ARL9: variants seen among roughly 807,000 people sequenced by gnomAD.
ARL9 encodes ADP-ribosylation factor-like protein 9.
ARL9 carries 14 observed loss-of-function variants against 27.0 expected under a neutral mutation model. The ratio of observed to expected loss-of-function variants is 0.52; its 90% CI spans 0.34 to 0.81. The LOEUF is 0.81. Among genes scored for constraint, ARL9 ranks in the 30% least tolerant of loss-of-function variants. The pLI, the probability that ARL9 is intolerant of heterozygous loss-of-function variation, is 0.01. For missense variants in ARL9, 294 were observed against 290.0 expected, an observed-to-expected ratio of 1.01 and a Z score of -0.10; for synonymous variants, 106 against 108.7, an observed-to-expected ratio of 0.98 and a Z score of 0.15.
intron 1 of ARL9, among the ~76,000 whole-genome samples, chr4:56,506,360 CTG>C (rs1721460134): frequency 6.6e-6 from 1 of 152,190 alleles, no homozygotes; most frequent in African/African-American, 2.4e-5. Flanking sequence ...ATCGCTACCC[CTG>C]TGTCTTAACC....
At chr4:56,518,193 G>A (rs540719652) in intron 2 of ARL9, among the ~76,000 whole-genome samples, 39 of 151,946 alleles carry the variant, frequency 2.6e-4, no homozygotes, top group African/African-American at 6.5e-4. Flanking sequence ...CCACCACACC[G>A]GCTCATTTTT....
intron 2 of ARL9, among the ~76,000 whole-genome samples, chr4:56,513,467 A>G (rs1721692393): frequency 6.6e-6 from 1 of 152,226 alleles, no homozygotes. Flanking sequence ...TTCAGCTGCT[A>G]TTATAGTTTT....
At position 56,523,956 on chromosome 4, in the gene ARL9, C is replaced by T; in HGVS notation, c.*80C>T. ...GCAGGCTTGAAGCCAAAGGTTTCCA[C>T]CTCAAATAAAAATTAAGCCATTTCC... is the stretch of plus-strand genomic sequence containing the variant. On this transcript the variant is annotated 3_prime_UTR_variant, in exon 4 of 4. Coordinates refer to ENST00000640821, the MANE Select transcript of ARL9 (RefSeq NM_001363794.2). 1 of 1,365,248 alleles carries T rather than the reference C, an allele frequency of 7.3e-7. No homozygotes were observed. The highest frequency in any genetic ancestry group is 1.5e-5 in the South Asian group (1 of 67,846). The allele number at this position is 1,365,248 out of a possible 1,614,324, so 84.6% of individuals were successfully genotyped here. A position where few individuals can be genotyped will look rare whatever the true frequency, so the allele number is the denominator to read the frequency against.
intron 2 of ARL9, among the ~76,000 whole-genome samples, chr4:56,513,544 C>G (rs958410484): frequency 6.6e-6 from 1 of 152,164 alleles, no homozygotes. Flanking sequence ...CATCGAAGAA[C>G]TTGCAACAAG....
Position 56,505,869 on chromosome 4 carries a change from A to AG in ARL9, c.12dup (p.Lys5GlufsTer21). 1 of 1,269,906 alleles carries AG rather than the reference A, an allele frequency of 7.9e-7. No homozygotes were observed. 78.7% of individuals were successfully genotyped at this position (1,269,906 alleles called of 1,614,324 possible). On this transcript the variant is annotated frameshift_variant, in exon 1 of 4. Transcript: ENST00000640821. LOFTEE classifies it high-confidence loss of function. ...GGAAACCGCGGCGCTGGGGATGGAG[A>AG]GGGGGAAAGTGAAGAAGAAAGAGAA...
In ARL9 at chr4:56,506,092, AAG is replaced by A; in HGVS notation, c.231_232del (p.Asn80GlnfsTer59). 8.1e-7 allele frequency: 1 copy of A among 1,234,140 alleles called. No homozygotes were observed. Among genetic ancestry groups the A allele is most frequent in the African/African-American group, 1.5e-5 (1 of 64,518 alleles). The allele number at this position is 1,234,140 out of a possible 1,614,324, so 76.4% of individuals were successfully genotyped here. The stretch of plus-strand genomic sequence containing the variant: ...GAACAATTTAAGGGACAAGAAGAGA[AAG>A]GGGAGAACAAGGACAGCACCTTGAC... On this transcript the variant is annotated frameshift_variant, in exon 1 of 4. Coordinates refer to ENST00000640821, the MANE Select transcript of ARL9 (RefSeq NM_001363794.2). LOFTEE classifies it high-confidence loss of function.
chr4:56,513,067 C>A (rs1429528901), intron 2 of ARL9, among the ~76,000 whole-genome samples: 2 of 152,196 alleles, frequency 1.3e-5, no homozygotes, highest in Non-Finnish European at 2.9e-5. Flanking sequence ...TTATCATGAT[C>A]ATCAATATCC....
Position 56,518,793 on chromosome 4 carries a change from C to T in ARL9, c.558C>T (p.Tyr186=). ...DHSRLPEAKK[Y]LHQLIAANPV... ...GCCGATTACCTGAAGCCAAGAAATA[C>T]CTTCATCAGCTAATTGCAGCAAACC... is the stretch of plus-strand genomic sequence containing the variant. The change falls in exon 3 of 4, where the codon TAC becomes TAT. Residue 186 remains tyrosine, a synonymous_variant. Coordinates refer to ENST00000640821, the MANE Select transcript of ARL9 (RefSeq NM_001363794.2). 1.2e-6 allele frequency: 2 copies of T among 1,613,984 alleles called. No individual in the cohort carries two copies. Among genetic ancestry groups the T allele is most frequent in the Non-Finnish European group, 1.7e-6 (2 of 1,179,880 alleles).
chr4:56,507,170 G>A (rs899760602), intron 1 of ARL9, among the ~76,000 whole-genome samples: 9 of 152,178 alleles, frequency 5.9e-5, no homozygotes, highest in African/African-American at 2.2e-4. Flanking sequence ...TGACAAAAAC[G>A]GTGTTCAGAA....
At chr4:56,517,814 C>A (rs1043811595) in intron 2 of ARL9, among the ~76,000 whole-genome samples, 10 of 151,828 alleles carry the variant, frequency 6.6e-5, no homozygotes, top group Admixed American at 5.9e-4. Context: ...CCTGAATACC[C>A]ACAGGATCAT....
chr4:56,506,094 G>A lies in ARL9; in HGVS notation c.232G>A (p.Gly78Arg), dbSNP rs1721451959. 4 of 1,234,190 alleles carry A rather than the reference G, an allele frequency of 3.2e-6. No individual in the cohort carries two copies. In the South Asian group the frequency reaches 1.6e-4, roughly 51 times the overall value. The allele number at this position is 1,234,190 out of a possible 1,614,324, so 76.5% of individuals were successfully genotyped here. Residue 78 changes from glycine (G) to arginine (R), a missense_variant, in exon 1 of 4, where the codon GGG becomes AGG. By Grantham distance (125) the Gly-to-Arg change is moderately radical. Coordinates refer to ENST00000640821, the MANE Select transcript of ARL9 (RefSeq NM_001363794.2). ...ACAATTTAAGGGACAAGAAGAGAAA[G>A]GGGAGAACAAGGACAGCACCTTGAC... ...KEQFKGQEEKGENKDSTLTRT... is the reference protein window; with the variant it reads ...KEQFKGQEEKRENKDSTLTRT...
intron 2 of ARL9, 81 bp downstream of exon 2, chr4:56,511,428 C>A: frequency 7.2e-7 from 1 of 1,393,420 alleles, no homozygotes; most frequent in Non-Finnish European, 9.7e-7. Flanking sequence ...AACATTGAGT[C>A]CTTGTGAAAA....
intron 1 of ARL9, among the ~76,000 whole-genome samples, chr4:56,508,912 G>A (rs1055503672): frequency 7.2e-5 from 11 of 152,084 alleles, no homozygotes; most frequent in Admixed American, 6.6e-4. Context: ...AAATGTATAC[G>A]ATTATTGTTA....
chr4:56,511,872 A>G (rs1721646735), intron 2 of ARL9, among the ~76,000 whole-genome samples: 1 of 152,186 alleles, frequency 6.6e-6, no homozygotes, highest in African/African-American at 2.4e-5. Flanking sequence ...CTATATGCTA[A>G]TGGCTCCCAA....
At chr4:56,518,535 G>A in intron 2 of ARL9, 143 bp from the exon 3 acceptor site, 2 of 693,222 alleles carry the variant, frequency 2.9e-6, no homozygotes, top group Non-Finnish European at 4.8e-6. Flanking sequence ...TCACTCTGAG[G>A]ACTGGGTACA....
chr4:56,515,757 G>C (rs1721751479), intron 2 of ARL9, among the ~76,000 whole-genome samples: 1 of 152,126 alleles, frequency 6.6e-6, no homozygotes, highest in Non-Finnish European at 1.5e-5. Flanking sequence ...CAAAAAAAGT[G>C]TCTATCTATA....
chr4:56,524,056 T>C lies in ARL9; in HGVS notation c.*180T>C. On this transcript the variant is annotated 3_prime_UTR_variant, in exon 4 of 4. Coordinates refer to ENST00000640821, the MANE Select transcript of ARL9 (RefSeq NM_001363794.2). ...GTTCCACATCTGGGGATTCAAGAAC[T>C]GTGGATCCAAAACATTCAAAAAGTA... is the stretch of plus-strand genomic sequence containing the variant. 2.1e-6 allele frequency: 1 copy of C among 478,652 alleles called. No individual in the cohort carries two copies. Among genetic ancestry groups the C allele is most frequent in the Non-Finnish European group, 3.6e-6 (1 of 280,744 alleles). 29.7% of individuals were successfully genotyped at this position (478,652 alleles called of 1,614,324 possible). A position where few individuals can be genotyped will look rare whatever the true frequency, so the allele number is the denominator to read the frequency against.
At chr4:56,518,523 G>A (rs78147324) in intron 2 of ARL9, among the ~76,000 whole-genome samples, 155 bp from the exon 3 acceptor site, 12,649 of 152,152 alleles carry the variant, frequency 0.083, 660 homozygotes, top group East Asian at 0.26. Context: ...ACATGCCTCT[G>A]GTCACTCTGA....
At chr4:56,522,205 G>A (rs1281121033) in intron 3 of ARL9, among the ~76,000 whole-genome samples, 1 of 152,104 alleles carries the variant, frequency 6.6e-6, no homozygotes. Context: ...CGGAACACCT[G>A]AGGTCAGGAG....
Sources: gnomAD v4.1 joint callset for allele counts (sites outside exome capture counted in the v4.1 genomes callset) on GRCh38, gnomAD v4.1.1 for gene constraint, MANE v1.5 for transcripts, NCBI Gene and HGNC (gene_info 2026-07-23, HGNC 2026-07-21) for gene names.